The following HNRNPA1L2 variants were observed in gnomAD, a reference collection of about 807,000 sequenced individuals.
The protein encoded by HNRNPA1L2 is heterogeneous nuclear ribonucleoprotein A1 like 2.
Under a neutral mutation model 18.2 loss-of-function variants are expected in HNRNPA1L2, and 10 were observed. That is an observed-to-expected ratio of 0.55 (90% CI 0.34 to 0.93). The LOEUF (loss-of-function observed/expected upper bound fraction) is 0.93. HNRNPA1L2 is among the 40% of genes least tolerant of loss of function. The probability of loss-of-function intolerance (pLI) is 0.02; values close to 1 mark genes in which losing one functional copy is unlikely to be tolerated. For synonymous variants in HNRNPA1L2, 124 were observed against 138.6 expected, an observed-to-expected ratio of 0.89 and a Z score of 0.74; for missense variants, 308 against 394.4, an observed-to-expected ratio of 0.78 and a Z score of 1.85.
chr13:52,630,332 A>C, the HNRNPA1L2 span, among the ~76,000 whole-genome samples: 1,114 of 152,260 alleles, frequency 7.3e-3, 5 homozygotes, highest in African/African-American at 0.017. Flanking sequence ...GCTGGAGTGA[A>C]GTGGCACCAT....
the HNRNPA1L2 span, chr13:52,617,547 A>C: frequency 2.3e-6 from 1 of 429,058 alleles, no homozygotes; most frequent in Non-Finnish European, 4.3e-6. Context: ...GGATGGCTTT[A>C]TGTCTCCGCG....
At chr13:52,617,699 CT>C in the HNRNPA1L2 span, 1 of 440,210 alleles carries the variant, frequency 2.3e-6, no homozygotes, top group Non-Finnish European at 4.1e-6. Context: ...CAGTTCAGCA[CT>C]TTTGGCTCCG....
At chr13:52,640,841 T>A (rs1053015705), upstream of HNRNPA1L2, 3 of 152,330 alleles carry the variant, frequency 2.0e-5, no homozygotes, top group African/African-American at 7.2e-5. Context: ...TTAAGATTCC[T>A]TTCTTGGCTC....
the HNRNPA1L2 span, among the ~76,000 whole-genome samples, chr13:52,628,361 T>G: frequency 2.0e-5 from 3 of 152,110 alleles, no homozygotes; most frequent in African/African-American, 7.2e-5. Context: ...GAGGATGGCT[T>G]AAGTCCAGAG....
At chr13:52,635,321 A>T in the HNRNPA1L2 span, among the ~76,000 whole-genome samples, 9 of 152,228 alleles carry the variant, frequency 5.9e-5, no homozygotes, top group African/African-American at 2.2e-4. Flanking sequence ...GTGGAGGATA[A>T]ATCATATGCA....
chr13:52,641,643 CT>C (rs1961659459), upstream of HNRNPA1L2: 1 of 152,192 alleles, frequency 6.6e-6, no homozygotes, highest in Admixed American at 6.5e-5. Context: ...CGCTTCCAAT[CT>C]GTTCTCCCCA....
chr13:52,617,645 G>T, the HNRNPA1L2 span: 1 of 468,954 alleles, frequency 2.1e-6, no homozygotes, highest in Non-Finnish European at 3.9e-6. Context: ...ATCAGCGGCT[G>T]CAATTTTGCT....
chr13:52,631,773 T>C, the HNRNPA1L2 span, among the ~76,000 whole-genome samples: 1 of 152,204 alleles, frequency 6.6e-6, no homozygotes, highest in South Asian at 2.1e-4. Flanking sequence ...AATATGTAAA[T>C]TGATGCATAA....
chr13:52,639,331 T>C (rs1204124399), upstream of HNRNPA1L2, among the ~76,000 whole-genome samples: 1 of 152,190 alleles, frequency 6.6e-6, no homozygotes, highest in Non-Finnish European at 1.5e-5. Context: ...GTCTAAGCTC[T>C]GATGCTCAGT....
the HNRNPA1L2 span, among the ~76,000 whole-genome samples, chr13:52,620,122 C>T: frequency 1.3e-5 from 2 of 151,936 alleles, no homozygotes; most frequent in East Asian, 3.9e-4. Context: ...TTTGAAATTG[C>T]CGTTTTCTCT....
upstream of HNRNPA1L2, among the ~76,000 whole-genome samples, chr13:52,640,526 C>T (rs1961624460): frequency 6.6e-6 from 1 of 152,214 alleles, no homozygotes; most frequent in Admixed American, 6.5e-5. Flanking sequence ...GATCTGGCCC[C>T]AACCTGTCAT....
chr13:52,622,116 G>A, the HNRNPA1L2 span: 1 of 161,438 alleles, frequency 6.2e-6, no homozygotes, highest in East Asian at 1.8e-4. Flanking sequence ...AAGGAAAACA[G>A]AGAAAAAGAC....
the HNRNPA1L2 span, among the ~76,000 whole-genome samples, chr13:52,622,941 A>G: frequency 3.3e-5 from 5 of 152,222 alleles, no homozygotes; most frequent in South Asian, 2.1e-4. Context: ...TAGGATACCC[A>G]TCACTGACTT....
At chr13:52,634,758 G>A in the HNRNPA1L2 span, among the ~76,000 whole-genome samples, 1 of 152,196 alleles carries the variant, frequency 6.6e-6, no homozygotes, top group East Asian at 1.9e-4. Context: ...AGAGTCGACA[G>A]GCAGTATAGC....
the HNRNPA1L2 span, among the ~76,000 whole-genome samples, chr13:52,635,202 G>A: frequency 6.6e-6 from 1 of 152,042 alleles, no homozygotes; most frequent in South Asian, 2.1e-4. Context: ...CATAGAAACC[G>A]ATTCAGAAAA....
chr13:52,639,021 C>G (rs1247069026), upstream of HNRNPA1L2, among the ~76,000 whole-genome samples: 1 of 152,176 alleles, frequency 6.6e-6, no homozygotes, highest in Non-Finnish European at 1.5e-5. Flanking sequence ...AGTTGGAAAA[C>G]ACTTAGGCAT....
At chr13:52,625,335 G>A in the HNRNPA1L2 span, among the ~76,000 whole-genome samples, 5 of 151,972 alleles carry the variant, frequency 3.3e-5, no homozygotes, top group African/African-American at 1.2e-4. Context: ...GGCTGGCCTC[G>A]AACTCCTGAC....
the HNRNPA1L2 span, among the ~76,000 whole-genome samples, chr13:52,630,450 T>A: frequency 1.3e-5 from 2 of 152,086 alleles, no homozygotes; most frequent in African/African-American, 4.8e-5. Context: ...CATTTTTGTA[T>A]TTTTAGTAGA....
rs1285370892 is a variant in HNRNPA1L2 at position 52,643,403 on chromosome 13, G to T, written c.911G>T (p.Gly304Val). The change falls in exon 1 of 1, where the codon GGC (glycine) becomes GTC (valine). Residue 304 changes from glycine (G) to valine (V), a missense_variant. Coordinates refer to ENST00000357495, the MANE Select transcript of HNRNPA1L2 (RefSeq NM_001389320.1). Reference sequence around the variant, plus strand: ...TTTGCAAAACCACAAAACCAAGGTGGCTATGGCGTTTCCAGCAGCAGCAGT... The same window carrying T: ...TTTGCAAAACCACAAAACCAAGGTGTCTATGGCGTTTCCAGCAGCAGCAGT... Reference protein sequence around the residue: ...QYFAKPQNQGGYGVSSSSSSY... With the variant: ...QYFAKPQNQGVYGVSSSSSSY... 1.3e-6 allele frequency: 2 copies of T among 1,598,598 alleles called. No individual in the cohort carries two copies. Among genetic ancestry groups the T allele is most frequent in the African/African-American group, 2.7e-5 (2 of 74,922 alleles).
Sources: allele counts gnomAD v4.1 joint callset (sites outside exome capture counted in the v4.1 genomes callset), GRCh38; gene constraint gnomAD v4.1.1; transcripts MANE v1.5; gene names NCBI Gene and HGNC (gene_info 2026-07-23, HGNC 2026-07-21).